CNKSR2: variants seen among roughly 807,000 people sequenced by gnomAD.
The protein encoded by CNKSR2 is CNK homolog protein 2.
CNKSR2 carries 14 observed loss-of-function variants against 84.4 expected under a neutral mutation model. That is an observed-to-expected ratio of 0.17 (90% CI 0.11 to 0.26). The LOEUF is 0.26. Among genes scored for constraint, CNKSR2 ranks in the 10% least tolerant of loss-of-function variants. CNKSR2 has a pLI of 1.00. For missense variants in CNKSR2, 485 were observed against 771.2 expected (o/e 0.63, Z 4.40); for synonymous variants, 275 against 277.9 (o/e 0.99, Z 0.10).
rs773488531 is a variant in CNKSR2 at position 21,529,679 on chromosome X, A to AACACAC, written c.1092-2167_1092-2162dup. Among the ~76,000 whole-genome samples the AACACAC allele has an allele frequency of 7.3e-5, 8 of 109,773 alleles. No individual in the cohort carries two copies. In the East Asian group the frequency reaches 8.6e-4, roughly 12 times the overall value. Reference sequence around the variant, plus strand: ...GACTCATGACGTGAATATATACATTAACACACACACACACATACACATACA... The same window carrying AACACAC: ...GACTCATGACGTGAATATATACATTAACACACACACACACACACACATACACATACA... On this transcript the variant is annotated intron_variant, in intron 10 of 21. Coordinates refer to ENST00000379510, the MANE Select transcript of CNKSR2 (RefSeq NM_014927.5).
intron 1 of CNKSR2, among the ~76,000 whole-genome samples, chrX:21,413,590 T>C (rs1028960396): frequency 9.0e-6 from 1 of 111,006 alleles, no homozygotes; most frequent in African/African-American, 3.3e-5. Flanking sequence ...TTGTAAGTAT[T>C]AACCTTCTCC....
At chrX:21,563,623 G>A (rs1469481963) in intron 13 of CNKSR2, among the ~76,000 whole-genome samples, 171 bp downstream of exon 13, 1 of 111,309 alleles carries the variant, frequency 9.0e-6, no homozygotes, top group Non-Finnish European at 1.9e-5. Flanking sequence ...TTTTTCTTAA[G>A]TTTATGTGTT....
At chrX:21,488,267 G>A (rs768109830) in intron 5 of CNKSR2, among the ~76,000 whole-genome samples, 1 of 111,687 alleles carries the variant, frequency 9.0e-6, no homozygotes, top group South Asian at 3.7e-4. Context: ...CAACAGAGGA[G>A]GAAAAAGCAT....
intron 11 of CNKSR2, among the ~76,000 whole-genome samples, chrX:21,560,754 A>T (rs1178631067): frequency 1.8e-5 from 2 of 111,542 alleles, no homozygotes; most frequent in Non-Finnish European, 3.8e-5. Context: ...AATAAAAGTT[A>T]TTCTTGAAGT....
chrX:21,521,113 TAAC>T (rs989217087), intron 9 of CNKSR2, among the ~76,000 whole-genome samples: 3 of 109,803 alleles, frequency 2.7e-5, no homozygotes, highest in African/African-American at 9.8e-5. Flanking sequence ...AATACATAAG[TAAC>T]AATAAAATTT....
intron 5 of CNKSR2, among the ~76,000 whole-genome samples, chrX:21,481,931 C>A (rs960623554): frequency 4.5e-5 from 5 of 111,630 alleles, no homozygotes; most frequent in Non-Finnish European, 9.4e-5. Context: ...CCTACTTACA[C>A]CTCCCTGTAG....
intron 7 of CNKSR2, among the ~76,000 whole-genome samples, chrX:21,499,758 C>T (rs980842130): frequency 9.1e-6 from 1 of 110,020 alleles, no homozygotes; most frequent in Non-Finnish European, 1.9e-5. Flanking sequence ...TTTGCTGTGC[C>T]CTAATTTCTT....
intron 4 of CNKSR2, among the ~76,000 whole-genome samples, chrX:21,443,779 C>T (rs1449171772): frequency 1.8e-5 from 2 of 111,423 alleles, no homozygotes; most frequent in East Asian, 5.6e-4. Flanking sequence ...ATTTACCTGT[C>T]AGATGTATTT....
chrX:21,586,752 T>C (rs970646900), intron 13 of CNKSR2, among the ~76,000 whole-genome samples: 5 of 111,269 alleles, frequency 4.5e-5, no homozygotes, highest in African/African-American at 1.6e-4. Flanking sequence ...ATGTAAAATA[T>C]ATGAAATAAA....
chrX:21,567,635 A>G (rs1022882373), intron 13 of CNKSR2, among the ~76,000 whole-genome samples: 3 of 111,676 alleles, frequency 2.7e-5, no homozygotes, highest in Non-Finnish European at 5.6e-5. Context: ...AAAGGTTCCA[A>G]TATGCCCATC....
chrX:21,639,753 T>C (rs751762133), intron 20 of CNKSR2, among the ~76,000 whole-genome samples: 6 of 111,858 alleles, frequency 5.4e-5, no homozygotes, highest in African/African-American at 1.9e-4. Context: ...CTAGCCAGTG[T>C]GATTGACCTA....
chrX:21,642,836 C>G (rs749468451), intron 20 of CNKSR2: 239 of 743,272 alleles, frequency 3.2e-4, no homozygotes, highest in Non-Finnish European at 3.6e-4. Context: ...GAATTTGTGT[C>G]TGTGAATAAA....
chrX:21,533,405 A>G (rs1259712372), intron 11 of CNKSR2, among the ~76,000 whole-genome samples: 2 of 110,238 alleles, frequency 1.8e-5, no homozygotes, highest in African/African-American at 6.6e-5. Flanking sequence ...ATGTATGTCA[A>G]CTCTTCTTTC....
intron 7 of CNKSR2, among the ~76,000 whole-genome samples, chrX:21,500,245 C>A (rs2091545445): frequency 9.0e-6 from 1 of 110,659 alleles, no homozygotes; most frequent in African/African-American, 3.3e-5. Context: ...TGAATTATAG[C>A]CTATGACAAA....
chrX:21,631,601 G>A (rs1349721941), intron 20 of CNKSR2, among the ~76,000 whole-genome samples: 1 of 111,800 alleles, frequency 8.9e-6, no homozygotes, highest in Non-Finnish European at 1.9e-5. Flanking sequence ...GTGTTTCTGT[G>A]TATTCTCTCA....
At chrX:21,400,935 A>G (rs957141456) in intron 1 of CNKSR2, among the ~76,000 whole-genome samples, 3 of 111,593 alleles carry the variant, frequency 2.7e-5, no homozygotes, top group African/African-American at 9.7e-5. Flanking sequence ...TTATGTTTCA[A>G]TGACTCCTTT....
chrX:21,623,136 T>C (rs1192274079), intron 20 of CNKSR2, among the ~76,000 whole-genome samples: 1 of 111,612 alleles, frequency 9.0e-6, no homozygotes, highest in East Asian at 2.8e-4. Flanking sequence ...CTAACCCTGA[T>C]CAGCCATATT....
rs1363111486 is a variant in CNKSR2, at chrX:21,472,186, C to T, written c.561+1379C>T. Among the ~76,000 whole-genome samples the T allele has an allele frequency of 3.6e-5, 4 of 111,719 alleles. No homozygotes were observed. The Admixed American group carries it at 3.8e-4, about 11-fold the overall frequency. ...ATTTTGTCAATAACTAAGGAGCATG[C>T]ACAGACCCTTTCCCACCTACATTTT... On this transcript the variant is annotated intron_variant, in intron 5 of 21. Transcript: ENST00000379510.
At chrX:21,443,605 A>C (rs779529117) in intron 4 of CNKSR2, among the ~76,000 whole-genome samples, 3 of 111,669 alleles carry the variant, frequency 2.7e-5, no homozygotes, top group Non-Finnish European at 5.7e-5. Flanking sequence ...GAATAGTGTT[A>C]AAAACATTTT....
Sources: gnomAD v4.1 joint callset for allele counts (sites outside exome capture counted in the v4.1 genomes callset) on GRCh38, gnomAD v4.1.1 for gene constraint, MANE v1.5 for transcripts, NCBI Gene and HGNC (gene_info 2026-07-23, HGNC 2026-07-21) for gene names.